The following FTO variants were observed in gnomAD, a reference collection of about 807,000 sequenced individuals.
FTO encodes alpha-ketoglutarate-dependent dioxygenase FTO.
A neutral mutation model predicts 63.9 loss-of-function variants in FTO; 47 were observed. That is an observed-to-expected ratio of 0.74 (90% CI 0.58 to 0.94). The LOEUF (loss-of-function observed/expected upper bound fraction) is 0.94, where lower values mean the gene tolerates loss of function less well. Ranked by LOEUF, FTO falls within the 40% of genes least tolerant of loss-of-function variation. The pLI, the probability that FTO is intolerant of heterozygous loss-of-function variation, is 0.00. For synonymous variants in FTO, 207 were observed against 224.4 expected (o/e 0.92, Z 0.69); for missense variants, 562 against 618.1 (o/e 0.91, Z 0.96).
chr16:53,747,608 C>T (rs2076678941), intron 1 of FTO, among the ~76,000 whole-genome samples: 1 of 152,266 alleles, frequency 6.6e-6, no homozygotes, highest in East Asian at 1.9e-4. Flanking sequence ...TTCTCCCAAT[C>T]TGTAGGTTGT....
chr16:53,831,592 CAG>C (rs1243556764), intron 3 of FTO, among the ~76,000 whole-genome samples: 2 of 152,090 alleles, frequency 1.3e-5, no homozygotes, highest in African/African-American at 2.4e-5. Flanking sequence ...GTGAACAAAA[CAG>C]ACAAAAATCC....
intron 4 of FTO, among the ~76,000 whole-genome samples, chr16:53,854,707 A>G (rs538907424): frequency 4.3e-4 from 66 of 152,290 alleles, no homozygotes; most frequent in African/African-American, 1.5e-3. Flanking sequence ...ATTTTAAGAC[A>G]GATAATGTGA....
intron 1 of FTO, among the ~76,000 whole-genome samples, chr16:53,752,310 G>A (rs1464182247): frequency 1.3e-5 from 2 of 152,070 alleles, no homozygotes; most frequent in Non-Finnish European, 2.9e-5. Context: ...CTAGTAATAG[G>A]AGAGGGACAG....
At chr16:53,790,579 C>CAAAAAAAAAAAAAAAAAAAAAAAGAAA (rs34860208) in intron 1 of FTO, among the ~76,000 whole-genome samples, 1 of 55,218 alleles carries the variant, frequency 1.8e-5, no homozygotes, top group African/African-American at 7.6e-5. Context: ...CAAAATAAAG[C>CAAAAAAAAAAAAAAAAAAAAAAAGAAA]AAAAAAAAAA....
chr16:53,773,791 A>C (rs2077398010), intron 1 of FTO, among the ~76,000 whole-genome samples: 1 of 152,168 alleles, frequency 6.6e-6, no homozygotes, highest in Non-Finnish European at 1.5e-5. Flanking sequence ...GGACCTAGTG[A>C]AGGTTTGTAA....
At chr16:54,027,520 C>T (rs2084741681) in intron 8 of FTO, among the ~76,000 whole-genome samples, 1 of 152,010 alleles carries the variant, frequency 6.6e-6, no homozygotes, top group Admixed American at 6.5e-5. Context: ...TAAACACTTC[C>T]TTTCTTCTAC....
At chr16:53,751,883 C>T (rs1327366779) in intron 1 of FTO, among the ~76,000 whole-genome samples, 2 of 152,168 alleles carry the variant, frequency 1.3e-5, no homozygotes, top group Non-Finnish European at 2.9e-5. Flanking sequence ...ATTTTTCTCT[C>T]TGATTCAAGC....
At chr16:53,772,849 C>T (rs2077369722) in intron 1 of FTO, among the ~76,000 whole-genome samples, 1 of 152,080 alleles carries the variant, frequency 6.6e-6, no homozygotes, top group Non-Finnish European at 1.5e-5. Flanking sequence ...TACAGAGTTC[C>T]TACTTTTTAA....
At chr16:53,709,953 C>A (rs1489932378) in intron 1 of FTO, among the ~76,000 whole-genome samples, 1 of 152,094 alleles carries the variant, frequency 6.6e-6, no homozygotes, top group Non-Finnish European at 1.5e-5. Flanking sequence ...ATTATTTCAT[C>A]CAAAGTCCAT....
intron 7 of FTO, among the ~76,000 whole-genome samples, chr16:53,895,562 A>G (rs140680016): frequency 6.6e-6 from 1 of 152,346 alleles, no homozygotes; most frequent in East Asian, 1.9e-4. Context: ...AAGCTGCTAC[A>G]GCCTACAGCT....
chr16:53,714,398 A>T (rs1353921642), intron 1 of FTO, among the ~76,000 whole-genome samples: 1 of 152,336 alleles, frequency 6.6e-6, no homozygotes, highest in African/African-American at 2.4e-5. Context: ...TCAAGGCTGC[A>T]TTAATATGGA....
chr16:54,063,762 A>G (rs1251594784), intron 8 of FTO: 1 of 151,146 alleles, frequency 6.6e-6, no homozygotes, highest in Non-Finnish European at 1.5e-5. Flanking sequence ...CGGGGATCCA[A>G]AGGTTTCACA....
At chr16:53,760,621 CT>C (rs1169039527) in intron 1 of FTO, among the ~76,000 whole-genome samples, 78 of 112,038 alleles carry the variant, frequency 7.0e-4, no homozygotes, top group Middle Eastern at 0.014. Flanking sequence ...TGCTTGCTTT[CT>C]TTTTTTTTTT....
At chr16:53,970,982 A>G (rs1402702920) in intron 8 of FTO, among the ~76,000 whole-genome samples, 1 of 152,242 alleles carries the variant, frequency 6.6e-6, no homozygotes, top group Non-Finnish European at 1.5e-5. Flanking sequence ...CCAAACAACT[A>G]TTAATATGTT....
At chr16:54,026,684 G>A (rs1349988143) in intron 8 of FTO, among the ~76,000 whole-genome samples, 18 of 152,226 alleles carry the variant, frequency 1.2e-4, no homozygotes, top group African/African-American at 4.1e-4. Context: ...CTTGATGTTG[G>A]CCAGTATTAT....
At chr16:54,064,287 C>A (rs2085666172) in intron 8 of FTO, among the ~76,000 whole-genome samples, 1 of 152,110 alleles carries the variant, frequency 6.6e-6, no homozygotes, top group Non-Finnish European at 1.5e-5. Context: ...TTTCCAAAGC[C>A]CTGGGGTCTA....
At chr16:53,993,706 A>G (rs552626725) in intron 8 of FTO, 4 of 152,284 alleles carry the variant, frequency 2.6e-5, no homozygotes, top group African/African-American at 9.6e-5. Flanking sequence ...TCTGAATATG[A>G]GCCTTTCTTT....
chr16:53,850,122 C>G (rs1489858474), intron 4 of FTO, among the ~76,000 whole-genome samples: 2 of 152,132 alleles, frequency 1.3e-5, no homozygotes, highest in South Asian at 2.1e-4. Flanking sequence ...ATACAGAAAC[C>G]AGTAATAAAT....
At chr16:53,972,692 C>T (rs1207826484) in intron 8 of FTO, among the ~76,000 whole-genome samples, 1 of 152,210 alleles carries the variant, frequency 6.6e-6, no homozygotes, top group Non-Finnish European at 1.5e-5. Flanking sequence ...TTCCCAGAGG[C>T]TGTGCATACT....
Sources: gnomAD v4.1 joint callset for allele counts (sites outside exome capture counted in the v4.1 genomes callset) on GRCh38, gnomAD v4.1.1 for gene constraint, MANE v1.5 for transcripts, NCBI Gene and HGNC (gene_info 2026-07-23, HGNC 2026-07-21) for gene names.